The following DENND1A variants were observed in gnomAD, a reference collection of about 807,000 sequenced individuals.
The protein encoded by DENND1A is DENN domain-containing protein 1A.
In DENND1A, 51 loss-of-function variants were observed where a neutral mutation model predicts 113.7. That is an observed-to-expected ratio of 0.45 (90% CI 0.36 to 0.57). The LOEUF (loss-of-function observed/expected upper bound fraction) is 0.57. DENND1A is among the 20% of genes least tolerant of loss of function. The probability of loss-of-function intolerance (pLI) is 0.00; values close to 1 mark genes in which losing one functional copy is unlikely to be tolerated. For missense variants in DENND1A, 1,258 were observed against 1,395.9 expected, an observed-to-expected ratio of 0.90 and a Z score of 1.57; for synonymous variants, 565 against 570.8, an observed-to-expected ratio of 0.99 and a Z score of 0.14.
At chr9:123,608,342 C>T (rs966759560) in intron 11 of DENND1A, among the ~76,000 whole-genome samples, 13 of 152,132 alleles carry the variant, frequency 8.5e-5, no homozygotes, top group Non-Finnish European at 1.6e-4. Flanking sequence ...TCCTCGTCGA[C>T]GTGAAATGAA....
intron 1 of DENND1A, among the ~76,000 whole-genome samples, chr9:123,909,315 A>G (rs893055891): frequency 6.6e-6 from 1 of 151,940 alleles, no homozygotes; most frequent in Non-Finnish European, 1.5e-5. Flanking sequence ...AACCCGCACA[A>G]TGTGCACATG....
intron 13 of DENND1A, among the ~76,000 whole-genome samples, chr9:123,543,528 C>T (rs2056438734): frequency 1.3e-5 from 2 of 152,208 alleles, no homozygotes; most frequent in African/African-American, 4.8e-5. Context: ...GAGGCCAACA[C>T]AGTCTCTTAT....
At chr9:123,473,973 GTTTACTTTCTTTCTTTTTTTTTTTTT>G (rs1564555467) in intron 13 of DENND1A, among the ~76,000 whole-genome samples, 1 of 143,028 alleles carries the variant, frequency 7.0e-6, no homozygotes, top group East Asian at 2.0e-4. Flanking sequence ...ATGGGGTAAC[GTTTACTTTCTTTCTTTTTTTTTTTTT>G]TTTTTTTTTT....
chr9:123,661,260 C>T (rs573355608), intron 8 of DENND1A, among the ~76,000 whole-genome samples: 1 of 152,330 alleles, frequency 6.6e-6, no homozygotes, highest in East Asian at 1.9e-4. Context: ...AACAGACTTT[C>T]CCACACCTCT....
In DENND1A at chr9:123,679,042, CCTGAAAG is replaced by C. The variant is rs1363417473; in HGVS notation, c.303-2260_303-2254del. Among the ~76,000 whole-genome samples, 127 of 151,768 alleles carry C rather than the reference CCTGAAAG, an allele frequency of 8.4e-4. 2 individuals carry two copies. The highest frequency in any genetic ancestry group is 2.9e-5 in the Non-Finnish European group (2 of 67,862). On this transcript the variant is annotated intron_variant, in intron 5 of 23. Transcript: ENST00000394215. ...ACCAAGGATTACAAATTTTTTTTTT[CCTGAAAG>C]CAAAATACCACTAGTTAAATCCAGC...
At chr9:123,539,799 C>T (rs978292462) in intron 13 of DENND1A, among the ~76,000 whole-genome samples, 3 of 149,724 alleles carry the variant, frequency 2.0e-5, no homozygotes, top group African/African-American at 4.9e-5. Context: ...AGGAGAACGG[C>T]GTGAACCCGG....
chr9:123,823,141 C>A (rs1402397544), intron 2 of DENND1A, among the ~76,000 whole-genome samples: 1 of 151,908 alleles, frequency 6.6e-6, no homozygotes, highest in East Asian at 1.9e-4. Context: ...TCTATACCGT[C>A]AAAAAACTAG....
chr9:123,804,904 T>A (rs915266252), intron 2 of DENND1A, among the ~76,000 whole-genome samples: 1 of 152,252 alleles, frequency 6.6e-6, no homozygotes, highest in Non-Finnish European at 1.5e-5. Flanking sequence ...TCTAGAGGAA[T>A]CCTGTAAAAC....
intron 1 of DENND1A, among the ~76,000 whole-genome samples, chr9:123,899,383 C>T (rs1851250791): frequency 6.6e-6 from 1 of 152,102 alleles, no homozygotes; most frequent in African/African-American, 2.4e-5. Context: ...CCTCTCTCCC[C>T]CATATTCAAT....
intron 2 of DENND1A, among the ~76,000 whole-genome samples, chr9:123,859,311 C>T (rs1247531136): frequency 6.6e-6 from 1 of 151,838 alleles, no homozygotes; most frequent in South Asian, 2.1e-4. Flanking sequence ...ATTTACAGGA[C>T]CTGGAATAAA....
intron 19 of DENND1A, among the ~76,000 whole-genome samples, chr9:123,420,253 C>G (rs974812333): frequency 6.6e-6 from 1 of 152,194 alleles, no homozygotes; most frequent in Non-Finnish European, 1.5e-5. Flanking sequence ...GACAGAGGCT[C>G]TATTATGATT....
At chr9:123,807,373 C>G (rs10818874) in intron 2 of DENND1A, among the ~76,000 whole-genome samples, 10,129 of 152,316 alleles carry the variant, frequency 0.066, 464 homozygotes, top group African/African-American at 0.13. Flanking sequence ...TACGTCAGCC[C>G]ACATTTGACT....
At chr9:123,683,166 A>T (rs988718386) in intron 5 of DENND1A, among the ~76,000 whole-genome samples, 1 of 152,224 alleles carries the variant, frequency 6.6e-6, no homozygotes, top group Admixed American at 6.5e-5. Flanking sequence ...GGATTTTATG[A>T]AGCCCATGTT....
At chr9:123,701,251 T>C (rs1035181480) in intron 5 of DENND1A, among the ~76,000 whole-genome samples, 1 of 152,166 alleles carries the variant, frequency 6.6e-6, no homozygotes, top group African/African-American at 2.4e-5. Flanking sequence ...AACATCAATT[T>C]AAACAGTTCA....
intron 5 of DENND1A, among the ~76,000 whole-genome samples, chr9:123,722,435 C>T (rs536067766): frequency 2.0e-5 from 3 of 152,302 alleles, no homozygotes; most frequent in African/African-American, 7.2e-5. Context: ...AGGAGCTGAA[C>T]GTTAATCACC....
chr9:123,382,341 G>C lies in DENND1A; in HGVS notation c.2304C>G (p.Thr768=). 6.2e-7 allele frequency: 1 copy of C among 1,606,368 alleles called. No homozygotes were observed. Among genetic ancestry groups the C allele is most frequent in the South Asian group, 1.1e-5 (1 of 90,006 alleles). ...ITIPRPQGRK[T]PELGIVPPPP... is the part of the protein sequence containing the mutation. ...GTGGAGGCACGATGCCCAGCTCTGG[G>C]GTCTTCCTGCCTTGGGGCCGGGGGA... The change falls in exon 24 of 24, where the codon ACC becomes ACG. Residue 768 remains threonine (T), a synonymous_variant. Coordinates refer to ENST00000394215, the MANE Select transcript of DENND1A (RefSeq NM_001352964.2).
chr9:123,420,743 C>T (rs992204001), intron 19 of DENND1A, among the ~76,000 whole-genome samples: 1 of 151,974 alleles, frequency 6.6e-6, no homozygotes, highest in Non-Finnish European at 1.5e-5. Flanking sequence ...GATTACTTCC[C>T]GTGCAAAGAG....
At chr9:123,799,209 G>A (rs1253714544) in intron 2 of DENND1A, among the ~76,000 whole-genome samples, 1 of 152,006 alleles carries the variant, frequency 6.6e-6, no homozygotes, top group Non-Finnish European at 1.5e-5. Flanking sequence ...TATTTGCCAG[G>A]CACTGTGACA....
At chr9:123,527,140 T>A (rs1396547193) in intron 13 of DENND1A, among the ~76,000 whole-genome samples, 1 of 152,170 alleles carries the variant, frequency 6.6e-6, no homozygotes, top group South Asian at 2.1e-4. Context: ...GTGGATCCTA[T>A]CCCTTCTCAT....
Sources: gnomAD v4.1 joint callset for allele counts (sites outside exome capture counted in the v4.1 genomes callset) on GRCh38, gnomAD v4.1.1 for gene constraint, MANE v1.5 for transcripts, NCBI Gene and HGNC (gene_info 2026-07-23, HGNC 2026-07-21) for gene names.